Variants in PRKDC observed in about 807,000 individuals in gnomAD.
PRKDC encodes DNA-dependent protein kinase catalytic subunit.
Under a neutral mutation model 486.9 loss-of-function variants are expected in PRKDC, and 82 were observed. The ratio of observed to expected loss-of-function variants is 0.17; its 90% CI spans 0.14 to 0.20. The LOEUF is 0.20. Ranked by LOEUF, PRKDC falls within the 10% of genes least tolerant of loss-of-function variation. The pLI is 1.00. For missense variants in PRKDC, 4,504 were observed against 5,038.2 expected, an observed-to-expected ratio of 0.89 and a Z score of 3.21; for synonymous variants, 1,895 against 1,837.0, an observed-to-expected ratio of 1.03 and a Z score of -0.81.
chr8:47,825,334 C>A (rs576449946), intron 63 of PRKDC, among the ~76,000 whole-genome samples: 1 of 151,770 alleles, frequency 6.6e-6, no homozygotes, highest in South Asian at 2.1e-4. Flanking sequence ...CACGGTGAAA[C>A]CCCATCTCTA....
At chr8:47,834,126 T>C in intron 59 of PRKDC, 70 bp downstream of exon 59, 1 of 1,562,006 alleles carries the variant, frequency 6.4e-7, no homozygotes, top group Non-Finnish European at 8.8e-7. Flanking sequence ...GTCAGAAATG[T>C]CCCCAGACCT....
chr8:47,892,549 T>C (rs947324260), intron 31 of PRKDC, among the ~76,000 whole-genome samples: 1 of 152,204 alleles, frequency 6.6e-6, no homozygotes, highest in Non-Finnish European at 1.5e-5. Flanking sequence ...CAGGCTGGTC[T>C]CAACCTCCTG....
At chr8:47,795,485 G>C (rs563772723) in intron 73 of PRKDC, among the ~76,000 whole-genome samples, 1 of 149,030 alleles carries the variant, frequency 6.7e-6, no homozygotes, top group Non-Finnish European at 1.5e-5. Flanking sequence ...CACCGCACCC[G>C]GCCTTTTTTT....
chr8:47,852,275 C>T (rs1416310402), intron 52 of PRKDC, among the ~76,000 whole-genome samples: 1 of 152,172 alleles, frequency 6.6e-6, no homozygotes, highest in Non-Finnish European at 1.5e-5. Flanking sequence ...ATCCCTGCCC[C>T]TGTTCAACAG....
At chr8:47,877,333 C>A (rs1455996238) in intron 40 of PRKDC, among the ~76,000 whole-genome samples, 1 of 152,118 alleles carries the variant, frequency 6.6e-6, no homozygotes, top group South Asian at 2.1e-4. Context: ...CTGATAATTT[C>A]GTTCAGTTGA....
At chr8:47,881,862 TAC>T (rs761028924) in intron 37 of PRKDC, 48 bp downstream of exon 37, 2 of 1,454,744 alleles carry the variant, frequency 1.4e-6, no homozygotes, top group African/African-American at 1.4e-5. Flanking sequence ...AGACACAAGT[TAC>T]AGAGTTCAGA....
chr8:47,809,946 G>T (rs1436553480), intron 68 of PRKDC, among the ~76,000 whole-genome samples: 1 of 152,126 alleles, frequency 6.6e-6, no homozygotes, highest in African/African-American at 2.4e-5. Flanking sequence ...CTACCCAGGG[G>T]AACAGGAAAA....
intron 7 of PRKDC, among the ~76,000 whole-genome samples, chr8:47,951,295 G>C (rs376833901): frequency 1.3e-5 from 2 of 151,872 alleles, no homozygotes; most frequent in Non-Finnish European, 2.9e-5. Context: ...AGGAGGTGGA[G>C]GCAGGCAGAG....
rs560287439 is a variant in PRKDC, at chr8:47,853,372, G to A, written c.6894-588C>T. Among the ~76,000 whole-genome samples the A allele has an allele frequency of 3.9e-5, 6 of 152,330 alleles. No homozygotes were observed. The East Asian group carries it at 7.7e-4, about 20-fold the overall frequency. On this transcript the variant is annotated intron_variant, in intron 51 of 85. Transcript: ENST00000314191. Reference sequence around the variant, plus strand: ...CATCTCTGGCACCAGTAACTGGTCCGACGGTGCTGGGGGGCCAACACGGAG... The same window carrying A: ...CATCTCTGGCACCAGTAACTGGTCCAACGGTGCTGGGGGGCCAACACGGAG...
At chr8:47,923,999 C>T (rs1050398805) in intron 21 of PRKDC, among the ~76,000 whole-genome samples, 4 of 152,144 alleles carry the variant, frequency 2.6e-5, no homozygotes, top group Non-Finnish European at 5.9e-5. Flanking sequence ...CAAAAAAAAC[C>T]ACTAGGAAAC....
chr8:47,958,540 A>G (rs147208366), intron 1 of PRKDC, among the ~76,000 whole-genome samples: 319 of 152,298 alleles, frequency 2.1e-3, no homozygotes, highest in South Asian at 7.4e-3. Context: ...AAGTGAAAGG[A>G]GATATGGCAT....
chr8:47,832,069 A>T lies in PRKDC; in HGVS notation c.8153-143T>A. The stretch of plus-strand genomic sequence containing the variant: ...CCGGGAGCAGGAGTGCAGGGGCCAC[A>T]GCTGCAACTGGAACTGCTCAGCAGT... On this transcript the variant is annotated intron_variant, in intron 59 of 85. Transcript: ENST00000314191. 2 of 685,632 alleles carry T rather than the reference A, an allele frequency of 2.9e-6. 1 individual carries two copies. The highest frequency in any genetic ancestry group is 3.5e-5 in the South Asian group (2 of 57,636). The allele number at this position is 685,632 out of a possible 1,614,324, so 42.5% of individuals were successfully genotyped here. A position where few individuals can be genotyped will look rare whatever the true frequency, so the allele number is the denominator to read the frequency against.
chr8:47,872,079 GAT>G (rs1207843536), intron 40 of PRKDC, among the ~76,000 whole-genome samples: 1 of 152,114 alleles, frequency 6.6e-6, no homozygotes, highest in Non-Finnish European at 1.5e-5. Flanking sequence ...AACTTTTCCA[GAT>G]ATAGACAGTG....
intron 16 of PRKDC, among the ~76,000 whole-genome samples, chr8:47,932,636 C>T (rs1159271773): frequency 1.3e-5 from 2 of 152,158 alleles, no homozygotes; most frequent in African/African-American, 4.8e-5. Flanking sequence ...CATTTAACAC[C>T]TTGTACCACA....
At chr8:47,914,730 G>A (rs1374158466) in intron 23 of PRKDC, among the ~76,000 whole-genome samples, 1 of 151,960 alleles carries the variant, frequency 6.6e-6, no homozygotes, top group Non-Finnish European at 1.5e-5. Flanking sequence ...GAACCTGGGA[G>A]GCGGAGGTTG....
chr8:47,816,731 A>G (rs1170348046), intron 68 of PRKDC, among the ~76,000 whole-genome samples: 2 of 152,198 alleles, frequency 1.3e-5, no homozygotes, highest in Non-Finnish European at 2.9e-5. Flanking sequence ...ATGTTATTTA[A>G]AAAATCAGTG....
intron 36 of PRKDC, among the ~76,000 whole-genome samples, chr8:47,884,164 G>A (rs2089281276): frequency 6.6e-6 from 1 of 152,218 alleles, no homozygotes; most frequent in South Asian, 2.1e-4. Flanking sequence ...CCCCAGTCTG[G>A]AGGTCTCTAT....
At position 47,943,202 on chromosome 8, in the gene PRKDC, G is replaced by A. The variant is rs1297919684; in HGVS notation, c.966+7C>T. On this transcript the variant is annotated splice_region_variant and intron_variant, in intron 10 of 85. Transcript: ENST00000314191. ...ATATTGTTAAATGACAGTTGAATTT[G>A]TGGTACCTGTTTCAGAAAGGATTCC... is the stretch of plus-strand genomic sequence containing the variant. 1.2e-6 allele frequency: 2 copies of A among 1,609,350 alleles called. No individual in the cohort carries two copies. Among genetic ancestry groups the A allele is most frequent in the Non-Finnish European group, 1.7e-6 (2 of 1,178,474 alleles).
At chr8:47,903,165 C>G (rs2089717959) in intron 26 of PRKDC, among the ~76,000 whole-genome samples, 1 of 152,098 alleles carries the variant, frequency 6.6e-6, no homozygotes, top group Non-Finnish European at 1.5e-5. Context: ...CCCATAACAG[C>G]TTTTGAGACA....
Sources: allele counts gnomAD v4.1 joint callset (sites outside exome capture counted in the v4.1 genomes callset), GRCh38; gene constraint gnomAD v4.1.1; transcripts MANE v1.5; gene names NCBI Gene and HGNC (gene_info 2026-07-23, HGNC 2026-07-21).